RTN1: variants seen among roughly 807,000 people sequenced by gnomAD.
RTN1 encodes the protein reticulon 1.
In RTN1, 25 loss-of-function variants were observed where a neutral mutation model predicts 65.5. The ratio of observed to expected loss-of-function variants is 0.38; its 90% CI spans 0.28 to 0.53. The LOEUF is 0.53. Ranked by LOEUF, RTN1 falls within the 20% of genes least tolerant of loss-of-function variation. RTN1 has a pLI of 0.79. For missense variants in RTN1, 983 were observed against 1,025.4 expected, an observed-to-expected ratio of 0.96 and a Z score of 0.57; for synonymous variants, 471 against 447.6, an observed-to-expected ratio of 1.05 and a Z score of -0.66.
intron 2 of RTN1, among the ~76,000 whole-genome samples, chr14:59,734,259 TA>T (rs1182166583): frequency 6.6e-6 from 1 of 152,156 alleles, no homozygotes; most frequent in Non-Finnish European, 1.5e-5. Flanking sequence ...CAAAGGTAGA[TA>T]AGCCCACAAA....
At chr14:59,746,857 G>C (rs569395155) in intron 1 of RTN1, among the ~76,000 whole-genome samples, 31 of 152,258 alleles carry the variant, frequency 2.0e-4, no homozygotes, top group African/African-American at 7.2e-4. Flanking sequence ...AGCTCTTTAA[G>C]TAGAGGTGGA....
chr14:59,712,314 T>C (rs944363799), intron 3 of RTN1, among the ~76,000 whole-genome samples: 1 of 152,146 alleles, frequency 6.6e-6, no homozygotes, highest in Non-Finnish European at 1.5e-5. Flanking sequence ...TGGGGCATAC[T>C]AGAAAATACT....
chr14:59,659,867 C>G (rs970156680), intron 3 of RTN1, among the ~76,000 whole-genome samples: 13 of 152,142 alleles, frequency 8.5e-5, no homozygotes, highest in Admixed American at 7.2e-4. Context: ...ATCATAATGA[C>G]AGGATCAAAT....
chr14:59,676,045 C>A (rs1594672169), intron 3 of RTN1, among the ~76,000 whole-genome samples: 1 of 152,124 alleles, frequency 6.6e-6, no homozygotes, highest in African/African-American at 2.4e-5. Context: ...GTTTGCTCTG[C>A]AACTATCCTG....
chr14:59,820,890 C>A (rs1028185375), intron 1 of RTN1, among the ~76,000 whole-genome samples: 1 of 152,172 alleles, frequency 6.6e-6, no homozygotes, highest in African/African-American at 2.4e-5. Flanking sequence ...TGTACCAATA[C>A]TATGCTGTTT....
chr14:59,847,594 T>C (rs1005909866), intron 1 of RTN1, among the ~76,000 whole-genome samples: 17 of 152,248 alleles, frequency 1.1e-4, no homozygotes, highest in Admixed American at 5.9e-4. Flanking sequence ...TTCTAGTCAT[T>C]CACAGGACTT....
chr14:59,630,547 C>T (rs1594642078), intron 3 of RTN1: 2 of 1,610,770 alleles, frequency 1.2e-6, no homozygotes, highest in South Asian at 1.1e-5. Flanking sequence ...TCCTCGGGGG[C>T]GCCGAGCGTG....
intron 3 of RTN1, among the ~76,000 whole-genome samples, chr14:59,658,124 G>A (rs866512420): frequency 6.6e-6 from 1 of 152,212 alleles, no homozygotes; most frequent in Non-Finnish European, 1.5e-5. Context: ...AAACAAAGCC[G>A]AGCCTCGGGG....
At chr14:59,833,341 T>C (rs144780856) in intron 1 of RTN1, among the ~76,000 whole-genome samples, 1 of 152,228 alleles carries the variant, frequency 6.6e-6, no homozygotes, top group Non-Finnish European at 1.5e-5. Context: ...TCCAAATGAA[T>C]TCCTATGGGC....
chr14:59,863,267 T>C (rs1381950709), intron 1 of RTN1, among the ~76,000 whole-genome samples: 7 of 152,152 alleles, frequency 4.6e-5, no homozygotes, highest in Admixed American at 4.6e-4. Flanking sequence ...CTTATTCAGT[T>C]TCCTTTATAA....
intron 2 of RTN1, among the ~76,000 whole-genome samples, chr14:59,744,709 T>C (rs1437432579): frequency 1.3e-5 from 2 of 152,194 alleles, no homozygotes; most frequent in Non-Finnish European, 2.9e-5. Flanking sequence ...GGTTTCCTCT[T>C]CCTGTCTGTG....
intron 2 of RTN1, among the ~76,000 whole-genome samples, chr14:59,739,341 G>A (rs1285450428): frequency 6.6e-6 from 1 of 152,128 alleles, no homozygotes; most frequent in Non-Finnish European, 1.5e-5. Context: ...AGTTCGGGGA[G>A]ACCAGCCTGG....
intron 3 of RTN1, among the ~76,000 whole-genome samples, chr14:59,652,881 A>C (rs1018440473): frequency 1.3e-5 from 2 of 152,160 alleles, no homozygotes; most frequent in Non-Finnish European, 2.9e-5. Context: ...AAGAACTGAA[A>C]GAGAAAAAAG....
chr14:59,830,303 A>G (rs1297148728), intron 1 of RTN1, among the ~76,000 whole-genome samples: 1 of 152,254 alleles, frequency 6.6e-6, no homozygotes, highest in African/African-American at 2.4e-5. Flanking sequence ...CTGACTCTTC[A>G]AGTGCTTTCT....
intron 1 of RTN1, among the ~76,000 whole-genome samples, chr14:59,813,933 A>C (rs1886773857): frequency 6.6e-6 from 1 of 152,204 alleles, no homozygotes; most frequent in Non-Finnish European, 1.5e-5. Flanking sequence ...CATCGCTGGA[A>C]TTGATGAGGA....
chr14:59,617,981 C>T (rs947228782), intron 3 of RTN1, among the ~76,000 whole-genome samples: 3 of 152,122 alleles, frequency 2.0e-5, no homozygotes, highest in African/African-American at 4.8e-5. Flanking sequence ...TGTTATAAAA[C>T]CCAAGGGAAG....
Position 59,750,112 on chromosome 14 carries a change from A to C in RTN1, c.242-3631T>G, listed in dbSNP as rs1885423158. 1.0e-4 allele frequency among the ~76,000 whole-genome samples: 3 copies of C among 29,542 alleles called. No individual in the cohort carries two copies. In the African/African-American group the frequency reaches 1.3e-3, roughly 13 times the overall value. The allele number at this position is 29,542 out of a possible 152,430, so 19.4% of individuals were successfully genotyped here. On this transcript the variant is annotated intron_variant, in intron 1 of 8. Coordinates refer to ENST00000267484, the MANE Select transcript of RTN1 (RefSeq NM_021136.3). The stretch of plus-strand genomic sequence containing the variant: ...ATATATATTATATATTATATATTAT[A>C]TATAATATATATTATCTATAATATA...
At chr14:59,607,756 T>G in intron 3 of RTN1, 6 of 457,190 alleles carry the variant, frequency 1.3e-5, no homozygotes, top group Non-Finnish European at 2.0e-5. Flanking sequence ...CATATCGCGA[T>G]GGGTGTAGCT....
chr14:59,671,066 G>C (rs562852724), intron 3 of RTN1, among the ~76,000 whole-genome samples: 13 of 152,260 alleles, frequency 8.5e-5, no homozygotes, highest in African/African-American at 3.1e-4. Context: ...CTCTACAGAT[G>C]CATAAACTGG....
Sources: gnomAD v4.1 joint callset for allele counts (sites outside exome capture counted in the v4.1 genomes callset) on GRCh38, gnomAD v4.1.1 for gene constraint, MANE v1.5 for transcripts, NCBI Gene and HGNC (gene_info 2026-07-23, HGNC 2026-07-21) for gene names.